The following CHLSN variants were observed in gnomAD, a reference collection of about 807,000 sequenced individuals.
CHLSN encodes protein cholesin.
the CHLSN span, among the ~76,000 whole-genome samples, chr7:1,040,441 G>A: frequency 6.6e-6 from 1 of 152,180 alleles, no homozygotes; most frequent in Non-Finnish European, 1.5e-5. Context: ...GCTACAGTGA[G>A]CTATGATTGC....
chr7:985,092 C>T, the CHLSN span: 3 of 1,611,968 alleles, frequency 1.9e-6, no homozygotes, highest in African/African-American at 4.0e-5. Context: ...AGCTGGATGG[C>T]TACAGAGGTG....
the CHLSN span, among the ~76,000 whole-genome samples, chr7:1,116,455 A>G: frequency 8.7e-6 from 1 of 115,154 alleles, no homozygotes; most frequent in Non-Finnish European, 1.7e-5. Context: ...TCCACGCAGG[A>G]TGATGACATC....
At chr7:1,062,918 C>T in the CHLSN span, among the ~76,000 whole-genome samples, 1 of 152,148 alleles carries the variant, frequency 6.6e-6, no homozygotes, top group African/African-American at 2.4e-5. Flanking sequence ...CAACTTAAAC[C>T]TCACCTAAAC....
chr7:1,020,762 C>A, the CHLSN span, among the ~76,000 whole-genome samples: 1 of 152,228 alleles, frequency 6.6e-6, no homozygotes. Context: ...TGCTGACCAC[C>A]CCTGCAGACG....
the CHLSN span, among the ~76,000 whole-genome samples, chr7:1,016,516 C>A: frequency 6.7e-6 from 1 of 148,990 alleles, no homozygotes; most frequent in Non-Finnish European, 1.5e-5. Context: ...CAGCAGCGCA[C>A]AGCAGCACAC....
At chr7:1,041,343 GCTGCGGGGAAGGGGGCCTGGGGT>G in the CHLSN span, among the ~76,000 whole-genome samples, 3 of 106,550 alleles carry the variant, frequency 2.8e-5, no homozygotes, top group Non-Finnish European at 3.7e-5. Context: ...TGGGGTCCGC[GCTGCGGGGAAGGGGGCCTGGGGT>G]CCGCGCTGCA....
the CHLSN span, among the ~76,000 whole-genome samples, chr7:1,081,521 G>A: frequency 6.6e-6 from 1 of 152,260 alleles, no homozygotes; most frequent in African/African-American, 2.4e-5. Flanking sequence ...AGCCTGGACT[G>A]GAGCCAGAAA....
At chr7:1,050,366 G>A in the CHLSN span, among the ~76,000 whole-genome samples, 11 of 152,242 alleles carry the variant, frequency 7.2e-5, no homozygotes, top group Admixed American at 5.9e-4. Flanking sequence ...GTCCACCTGC[G>A]GCGGGCACAT....
the CHLSN span, among the ~76,000 whole-genome samples, chr7:1,095,091 C>T: frequency 6.6e-6 from 1 of 152,116 alleles, no homozygotes; most frequent in Non-Finnish European, 1.5e-5. Flanking sequence ...CGACTCAGGC[C>T]CGGCGCACCC....
chr7:996,344 G>A, the CHLSN span, among the ~76,000 whole-genome samples: 1 of 152,242 alleles, frequency 6.6e-6, no homozygotes, highest in African/African-American at 2.4e-5. Context: ...AGCCTCAGGA[G>A]CTCTGTTGGG....
chr7:987,493 G>T, the CHLSN span: 1 of 1,546,542 alleles, frequency 6.5e-7, no homozygotes, highest in Non-Finnish European at 8.7e-7. Context: ...CCGCTGCACC[G>T]CGGCCGACAC....
the CHLSN span, among the ~76,000 whole-genome samples, chr7:1,007,909 A>G: frequency 6.6e-6 from 1 of 152,144 alleles, no homozygotes; most frequent in Non-Finnish European, 1.5e-5. Flanking sequence ...GGGCGCCTCC[A>G]GGGTGAAGAC....
the CHLSN span, chr7:1,022,977 AC>A: frequency 6.4e-6 from 3 of 472,216 alleles, no homozygotes; most frequent in Non-Finnish European, 4.3e-6. Context: ...CGAGGCGCTC[AC>A]AGGCAGGCAC....
At chr7:1,086,287 C>T in the CHLSN span, among the ~76,000 whole-genome samples, 1 of 152,228 alleles carries the variant, frequency 6.6e-6, no homozygotes, top group Non-Finnish European at 1.5e-5. Flanking sequence ...TTTTATTTTA[C>T]TTATTTTTTT....
At chr7:1,073,209 C>G in the CHLSN span, among the ~76,000 whole-genome samples, 1 of 151,868 alleles carries the variant, frequency 6.6e-6, no homozygotes, top group African/African-American at 2.4e-5. Context: ...GCTTCACACA[C>G]AGGAACACCT....
the CHLSN span, chr7:988,462 T>G: frequency 6.2e-7 from 1 of 1,609,300 alleles, no homozygotes; most frequent in Non-Finnish European, 8.5e-7. Flanking sequence ...CCTCCAGGGC[T>G]CCAGGGGTGG....
the CHLSN span, among the ~76,000 whole-genome samples, chr7:1,034,200 T>A: frequency 6.6e-6 from 1 of 152,202 alleles, no homozygotes; most frequent in Non-Finnish European, 1.5e-5. Context: ...AATGCTTAGC[T>A]GTAAATTTAA....
At chr7:1,011,820 G>A in the CHLSN span, among the ~76,000 whole-genome samples, 1 of 152,144 alleles carries the variant, frequency 6.6e-6, no homozygotes, top group Admixed American at 6.5e-5. Flanking sequence ...CAGGGCCTGG[G>A]GGACGAGGAG....
At chr7:1,035,373 G>A in the CHLSN span, among the ~76,000 whole-genome samples, 3 of 152,236 alleles carry the variant, frequency 2.0e-5, no homozygotes, top group South Asian at 2.1e-4. Context: ...TCCTCTGAGC[G>A]TAAACCCAGT....
Sources: allele counts gnomAD v4.1 joint callset (sites outside exome capture counted in the v4.1 genomes callset), GRCh38; gene constraint gnomAD v4.1.1; transcripts MANE v1.5; gene names NCBI Gene and HGNC (gene_info 2026-07-23, HGNC 2026-07-21).